The following MCM5 variants were observed in gnomAD, a reference collection of about 807,000 sequenced individuals.
The protein encoded by MCM5 is DNA replication licensing factor MCM5.
Under a neutral mutation model 79.9 loss-of-function variants are expected in MCM5, and 46 were observed. That is an observed-to-expected ratio of 0.58 (90% confidence interval 0.45 to 0.74). MCM5 has a LOEUF of 0.74. Ranked by LOEUF, MCM5 falls within the 30% of genes least tolerant of loss-of-function variation. The probability of loss-of-function intolerance (pLI) is 0.00; values close to 1 mark genes in which losing one functional copy is unlikely to be tolerated. For missense variants in MCM5, 883 were observed against 1,017.0 expected, an observed-to-expected ratio of 0.87 and a Z score of 1.79; for synonymous variants, 404 against 390.5, an observed-to-expected ratio of 1.03 and a Z score of -0.41.
chr22:35,444,047 T>A, the MCM5 span, among the ~76,000 whole-genome samples: 1 of 152,154 alleles, frequency 6.6e-6, no homozygotes, highest in East Asian at 1.9e-4. Context: ...GAGATGATGC[T>A]ACAAAGGAAG....
the MCM5 span, among the ~76,000 whole-genome samples, chr22:35,436,998 A>C: frequency 1.7e-5 from 2 of 116,200 alleles, no homozygotes; most frequent in East Asian, 4.6e-4. Context: ...CCTTCAGAGG[A>C]CATGAGGAGG....
chr22:35,440,648 C>A, the MCM5 span, among the ~76,000 whole-genome samples: 6 of 152,208 alleles, frequency 3.9e-5, no homozygotes, highest in Non-Finnish European at 7.3e-5. Flanking sequence ...TGACCCTAAT[C>A]CTGGCCCAGT....
the MCM5 span, among the ~76,000 whole-genome samples, chr22:35,446,655 C>G: frequency 1.3e-5 from 2 of 152,086 alleles, no homozygotes; most frequent in Admixed American, 1.3e-4. Context: ...AGTGGCTGCC[C>G]GTCCGCAGTG....
intron 4 of MCM5, among the ~76,000 whole-genome samples, chr22:35,404,592 A>T (rs951828768): frequency 6.6e-6 from 1 of 152,152 alleles, no homozygotes; most frequent in African/African-American, 2.4e-5. Flanking sequence ...CCCTCATTGC[A>T]TCCCTCCATC....
chr22:35,400,175 T>C lies in MCM5; in HGVS notation c.-42T>C. On this transcript the variant is annotated 5_prime_UTR_variant, in exon 1 of 17. Transcript: ENST00000216122. Reference sequence around the variant, plus strand: ...CGGCGGCTGAGCGTGGAGGTTCTTGTCTCCCCTGGTTTGTGAAGTGCGGAA... The same window carrying C: ...CGGCGGCTGAGCGTGGAGGTTCTTGCCTCCCCTGGTTTGTGAAGTGCGGAA... 8.4e-6 allele frequency: 4 copies of C among 475,100 alleles called. No homozygotes were observed. Among genetic ancestry groups the C allele is most frequent in the South Asian group, 4.5e-5 (2 of 44,672 alleles). 29.4% of individuals were successfully genotyped at this position (475,100 alleles called of 1,614,324 possible). A position where few individuals can be genotyped will look rare whatever the true frequency, so the allele number is the denominator to read the frequency against.
intron 4 of MCM5, among the ~76,000 whole-genome samples, chr22:35,406,347 G>A (rs1474407687): frequency 7.0e-6 from 1 of 143,628 alleles, no homozygotes; most frequent in Non-Finnish European, 1.5e-5. Context: ...AGCTGTGCCT[G>A]AGGCTCCTCT....
chr22:35,423,085 T>C (rs1815744458), intron 15 of MCM5, 129 bp from the exon 16 acceptor site: 6 of 1,001,362 alleles, frequency 6.0e-6, no homozygotes, highest in Non-Finnish European at 8.7e-6. Flanking sequence ...CCTGGCACAC[T>C]CGGTGCCCTT....
chr22:35,451,034 CTG>C, the MCM5 span, among the ~76,000 whole-genome samples: 3 of 152,196 alleles, frequency 2.0e-5, no homozygotes, highest in Non-Finnish European at 4.4e-5. Context: ...TGGAGTCCTG[CTG>C]TCCTTTCTTT....
the MCM5 span, among the ~76,000 whole-genome samples, chr22:35,436,007 C>A: frequency 0.8 from 121,864 of 151,500 alleles, 49,613 homozygotes; most frequent in African/African-American, 0.89. Context: ...TCTCTACTAA[C>A]AATACAAAAA....
At position 35,410,750 on chromosome 22, in the gene MCM5, G is replaced by C. The variant is rs1270873909; in HGVS notation, c.759G>C (p.Leu253=). The stretch of plus-strand genomic sequence containing the variant: ...TCCTCTACCCTCCTCTCAGGTACCT[G>C]TGTGACAAGGTCGTCCCTGGGAACA... ...RHMQLYCDRY[L]CDKVVPGNRV... The change falls in exon 7 of 17, where the codon CTG becomes CTC. Residue 253 remains leucine, a synonymous_variant. Transcript: ENST00000216122. 1.2e-6 allele frequency: 2 copies of C among 1,614,026 alleles called. No individual in the cohort carries two copies. The highest frequency in any genetic ancestry group is 1.7e-5 in the Admixed American group (1 of 60,032).
rs761101342 is a variant in MCM5 at position 35,417,846 on chromosome 22, T to C, written c.1693T>C (p.Tyr565His). 4 of 1,613,614 alleles carry C rather than the reference T, an allele frequency of 2.5e-6. No homozygotes were observed. In the East Asian group the frequency reaches 8.9e-5, roughly 36 times the overall value. The stretch of plus-strand genomic sequence containing the variant: ...GGCCAAGCTGAAGAAGTTTATTGCC[T>C]ACTGCCGAGTGTGAGTCCTGGACGC... ...DLAKLKKFIA[Y>H]CRVKCGPRLS... The change falls in exon 13 of 17, where the codon TAC becomes CAC. Residue 565 changes from tyrosine to histidine, a missense_variant. Transcript: ENST00000216122.
intron 14 of MCM5, 147 bp from the exon 15 acceptor site, chr22:35,421,171 A>G (rs76568616): frequency 1.4e-6 from 1 of 691,994 alleles, no homozygotes; most frequent in Admixed American, 3.0e-5. Context: ...TATGACTAAG[A>G]TCAAAAGGGA....
downstream of MCM5, among the ~76,000 whole-genome samples, chr22:35,427,129 C>A (rs1932783641): frequency 6.6e-6 from 1 of 152,214 alleles, no homozygotes; most frequent in African/African-American, 2.4e-5. Context: ...GATACACATG[C>A]TAACTACACG....
In MCM5 at chr22:35,415,726, A is replaced by G. The variant is rs1482488613; in HGVS notation, c.1204-103A>G. ...ATTCTGTACCCTGCAGCCAGCTTTGATGTGTGACCTTGGGCAAATCACAAC... is the reference window on the plus strand; with the variant it reads ...ATTCTGTACCCTGCAGCCAGCTTTGGTGTGTGACCTTGGGCAAATCACAAC... On this transcript the variant is annotated intron_variant, in intron 9 of 16. Transcript: ENST00000216122. The G allele has an allele frequency of 7.7e-6, 10 of 1,303,286 alleles. No individual in the cohort carries two copies. The African/African-American group carries it at 1.5e-4, about 19-fold the overall frequency. The allele number at this position is 1,303,286 out of a possible 1,614,324, so 80.7% of individuals were successfully genotyped here. A position where few individuals can be genotyped will look rare whatever the true frequency, so the allele number is the denominator to read the frequency against.
At chr22:35,439,151 CCATCCATCCATT>C in the MCM5 span, among the ~76,000 whole-genome samples, 1 of 151,412 alleles carries the variant, frequency 6.6e-6, no homozygotes. Flanking sequence ...ACATATTCAT[CCATCCATCCATT>C]CATCCATCCA....
chr22:35,453,353 C>T, the MCM5 span, among the ~76,000 whole-genome samples: 5 of 144,730 alleles, frequency 3.5e-5, no homozygotes, highest in Non-Finnish European at 3.0e-5. Flanking sequence ...GCTGAGCAAG[C>T]GCGTCAGAGA....
chr22:35,444,185 A>AGAG, the MCM5 span, among the ~76,000 whole-genome samples: 116 of 97,904 alleles, frequency 1.2e-3, no homozygotes, highest in Non-Finnish European at 2.0e-3. Context: ...GAGAGAGAGA[A>AGAG]GAGAACAGAG....
At chr22:35,442,357 G>GA in the MCM5 span, among the ~76,000 whole-genome samples, 2,734 of 130,174 alleles carry the variant, frequency 0.021, 23 homozygotes, top group Middle Eastern at 0.059. Flanking sequence ...TACTAAAAAA[G>GA]AAAAAAAAAA....
the MCM5 span, among the ~76,000 whole-genome samples, chr22:35,439,546 A>G: frequency 1.3e-5 from 2 of 152,038 alleles, no homozygotes; most frequent in Non-Finnish European, 2.9e-5. Context: ...CATCCATCCA[A>G]CAAATACTGA....
Sources: gnomAD v4.1 joint callset for allele counts (sites outside exome capture counted in the v4.1 genomes callset) on GRCh38, gnomAD v4.1.1 for gene constraint, MANE v1.5 for transcripts, NCBI Gene and HGNC (gene_info 2026-07-23, HGNC 2026-07-21) for gene names.